DGKB: variants seen among roughly 807,000 people sequenced by gnomAD.
DGKB encodes diacylglycerol kinase beta.
DGKB carries 67 observed loss-of-function variants against 114.3 expected under a neutral mutation model. The observed-to-expected ratio is 0.59, with a 90% CI of 0.48 to 0.72. DGKB has a LOEUF of 0.72. Among genes scored for constraint, DGKB ranks in the 30% least tolerant of loss-of-function variants. DGKB has a pLI of 0.00. For missense variants in DGKB, 907 were observed against 975.2 expected (o/e 0.93, Z 0.93); for synonymous variants, 398 against 323.1 (o/e 1.23, Z -2.49).
chr7:14,621,297 T>G, intron 15 of DGKB, 81 bp downstream of exon 15: 1 of 780,762 alleles, frequency 1.3e-6, no homozygotes, highest in Non-Finnish European at 2.2e-6. Context: ...ACAAATGTGT[T>G]GATAGCTGAA....
At chr7:14,704,176 C>T (rs1202928213) in intron 6 of DGKB, among the ~76,000 whole-genome samples, 1 of 151,596 alleles carries the variant, frequency 6.6e-6, no homozygotes, top group Non-Finnish European at 1.5e-5. Flanking sequence ...TGGCTTATGC[C>T]TGTAATCCCA....
At chr7:14,298,907 G>A (rs192390095) in intron 23 of DGKB, among the ~76,000 whole-genome samples, 128 of 152,180 alleles carry the variant, frequency 8.4e-4, no homozygotes, top group African/African-American at 2.9e-3. Flanking sequence ...ATTCTCAAAA[G>A]AAGACATTTA....
chr7:14,885,143 TG>T (rs1854834715), intron 1 of DGKB, among the ~76,000 whole-genome samples: 2 of 152,026 alleles, frequency 1.3e-5, no homozygotes, highest in African/African-American at 4.8e-5. Flanking sequence ...GTTCCTTGAA[TG>T]ATGAGTAGAG....
chr7:14,516,927 G>A (rs1216739025), intron 20 of DGKB, among the ~76,000 whole-genome samples: 2 of 151,528 alleles, frequency 1.3e-5, no homozygotes, highest in Admixed American at 6.6e-5. Flanking sequence ...AACTAACTAT[G>A]AATTCTTCAT....
chr7:14,632,798 C>A (rs934729042), intron 13 of DGKB, among the ~76,000 whole-genome samples: 2 of 151,604 alleles, frequency 1.3e-5, no homozygotes, highest in African/African-American at 2.4e-5. Context: ...AGAGGGGGAA[C>A]TGTTAAAGAT....
At chr7:14,300,748 A>C (rs1803403225) in intron 23 of DGKB, among the ~76,000 whole-genome samples, 1 of 152,134 alleles carries the variant, frequency 6.6e-6, no homozygotes, top group Non-Finnish European at 1.5e-5. Flanking sequence ...TCGTTCACAA[A>C]AATGTCTCCT....
chr7:14,540,980 T>C (rs1793334991), intron 20 of DGKB, among the ~76,000 whole-genome samples: 1 of 152,194 alleles, frequency 6.6e-6, no homozygotes, highest in South Asian at 2.1e-4. Context: ...GCAATGTATA[T>C]GAATGCAACT....
intron 17 of DGKB, 25 bp downstream of exon 17, chr7:14,607,409 G>A (rs773537612): frequency 8.4e-7 from 1 of 1,190,960 alleles, no homozygotes; most frequent in Non-Finnish European, 1.2e-6. Context: ...TGAGTTAATG[G>A]TAATAATATT....
chr7:14,481,494 T>G (rs1205304051), intron 20 of DGKB, among the ~76,000 whole-genome samples: 1 of 151,976 alleles, frequency 6.6e-6, no homozygotes, highest in Non-Finnish European at 1.5e-5. Flanking sequence ...TTAAATAATC[T>G]TTCTCTCACA....
chr7:14,737,887 C>T (rs947054379), intron 4 of DGKB, among the ~76,000 whole-genome samples: 5 of 130,194 alleles, frequency 3.8e-5, no homozygotes, highest in African/African-American at 1.0e-4. Flanking sequence ...AGTGAGACTC[C>T]GTCTCAAAAA....
intron 20 of DGKB, among the ~76,000 whole-genome samples, chr7:14,512,049 A>G (rs947985082): frequency 6.8e-5 from 9 of 131,526 alleles, no homozygotes; most frequent in Admixed American, 4.1e-4. Context: ...ATATTGCAAG[A>G]ATTACCAAAA....
intron 1 of DGKB, among the ~76,000 whole-genome samples, chr7:14,869,301 G>A (rs983735890): frequency 1.3e-5 from 2 of 152,090 alleles, no homozygotes; most frequent in Admixed American, 6.6e-5. Flanking sequence ...GTTTACCTTG[G>A]AGACTTTGAA....
At chr7:14,616,228 A>G in intron 15 of DGKB, among the ~76,000 whole-genome samples, 1 of 142,342 alleles carries the variant, frequency 7.0e-6, no homozygotes, top group Non-Finnish European at 1.6e-5. Flanking sequence ...ACATATATAC[A>G]TATATATATA....
chr7:14,418,287 G>A (rs1157279277), intron 21 of DGKB, among the ~76,000 whole-genome samples: 2 of 114,306 alleles, frequency 1.7e-5, no homozygotes, highest in African/African-American at 6.0e-5. Context: ...ATATATGTGT[G>A]TATATATACA....
At chr7:14,248,028 A>G (rs1429881507) in intron 23 of DGKB, among the ~76,000 whole-genome samples, 1 of 151,912 alleles carries the variant, frequency 6.6e-6, no homozygotes, top group East Asian at 1.9e-4. Flanking sequence ...TTTTTTTTAT[A>G]TGTTGTGAAA....
intron 20 of DGKB, among the ~76,000 whole-genome samples, chr7:14,570,612 T>C (rs1049677895): frequency 4.6e-5 from 7 of 152,154 alleles, no homozygotes; most frequent in South Asian, 2.1e-4. Flanking sequence ...GAAAAGAAAA[T>C]GTTAAGAAAA....
At chr7:14,963,892 G>A (rs1787005270) in intron 1 of DGKB, among the ~76,000 whole-genome samples, 2 of 152,032 alleles carry the variant, frequency 1.3e-5, no homozygotes, top group South Asian at 4.1e-4. Context: ...CACAGATCTT[G>A]CTCTGTAGCT....
intron 13 of DGKB, among the ~76,000 whole-genome samples, chr7:14,638,160 T>C (rs1376028421): frequency 6.6e-6 from 1 of 152,148 alleles, no homozygotes; most frequent in African/African-American, 2.4e-5. Flanking sequence ...CTCCTCATTT[T>C]ACATGTGAGG....
chr7:14,743,578 A>C (rs1832861147), intron 4 of DGKB, among the ~76,000 whole-genome samples: 1 of 152,142 alleles, frequency 6.6e-6, no homozygotes, highest in South Asian at 2.1e-4. Flanking sequence ...TAAACAGAAT[A>C]ATTTAACATG....
Sources: allele counts gnomAD v4.1 joint callset (sites outside exome capture counted in the v4.1 genomes callset), GRCh38; gene constraint gnomAD v4.1.1; transcripts MANE v1.5; gene names NCBI Gene and HGNC (gene_info 2026-07-23, HGNC 2026-07-21).